The following ARHGAP31 variants were observed in gnomAD, a reference collection of about 807,000 sequenced individuals.
The protein encoded by ARHGAP31 is rho GTPase-activating protein 31.
ARHGAP31 carries 34 observed loss-of-function variants against 113.9 expected under a neutral mutation model. That is an observed-to-expected ratio of 0.30 (90% CI 0.23 to 0.40). The LOEUF is 0.40. Among genes scored for constraint, ARHGAP31 ranks in the 10% least tolerant of loss-of-function variants. The pLI is 1.00. For missense variants in ARHGAP31, 1,548 were observed against 1,767.1 expected (o/e 0.88, Z 2.22); for synonymous variants, 650 against 684.8 (o/e 0.95, Z 0.79).
At chr3:119,322,068 A>G (rs1208193017) in intron 1 of ARHGAP31, among the ~76,000 whole-genome samples, 1 of 152,182 alleles carries the variant, frequency 6.6e-6, no homozygotes, top group Non-Finnish European at 1.5e-5. Context: ...TGTGAGGCAT[A>G]TGGCTCTTTT....
chr3:119,397,128 A>T (rs77987217), intron 8 of ARHGAP31, among the ~76,000 whole-genome samples: 19,876 of 152,190 alleles, frequency 0.13, 1,378 homozygotes, highest in South Asian at 0.18. Flanking sequence ...AGACAGAAAC[A>T]TGTAATATAA....
At chr3:119,403,622 A>C (rs1366368618) in intron 10 of ARHGAP31, among the ~76,000 whole-genome samples, 1 of 152,172 alleles carries the variant, frequency 6.6e-6, no homozygotes, top group Non-Finnish European at 1.5e-5. Flanking sequence ...AGCATCATGA[A>C]AGAGGTGTTC....
At chr3:119,351,405 A>T (rs2080109551) in intron 1 of ARHGAP31, among the ~76,000 whole-genome samples, 1 of 152,144 alleles carries the variant, frequency 6.6e-6, no homozygotes, top group African/African-American at 2.4e-5. Flanking sequence ...ATGTACTGGA[A>T]AGTGCATGAA....
Position 119,414,128 on chromosome 3 carries a change from A to C in ARHGAP31, c.2199A>C (p.Ala733=), listed in dbSNP as rs575356014. 5 of 1,614,202 alleles carry C rather than the reference A, an allele frequency of 3.1e-6. No individual in the cohort carries two copies. The South Asian group carries it at 5.5e-5, about 18-fold the overall frequency. The change falls in exon 12 of 12, where the codon GCA becomes GCC. Residue 733 remains alanine, a synonymous_variant. Coordinates refer to ENST00000264245, the MANE Select transcript of ARHGAP31 (RefSeq NM_020754.4). ...AGAGCACACAGGGGGCTTCCACAGC[A>C]GCCAGCAGAGAGAAGCCGGAACCTG... The part of the protein sequence containing the change: ...ANQSTQGAST[A]ASREKPEPEQ...
chr3:119,295,590 C>G (rs928293263), intron 1 of ARHGAP31, among the ~76,000 whole-genome samples: 8 of 152,048 alleles, frequency 5.3e-5, no homozygotes, highest in African/African-American at 7.2e-5. Flanking sequence ...TTTCCACAAC[C>G]CCCTCCCCGC....
chr3:119,301,857 T>TG (rs2107593036), intron 1 of ARHGAP31, among the ~76,000 whole-genome samples: 1 of 152,264 alleles, frequency 6.6e-6, no homozygotes, highest in South Asian at 2.1e-4. Flanking sequence ...CTCTTCTAGT[T>TG]GGGGCTACCC....
At chr3:119,408,458 A>G (rs547181994) in intron 10 of ARHGAP31, among the ~76,000 whole-genome samples, 2 of 152,342 alleles carry the variant, frequency 1.3e-5, no homozygotes, top group African/African-American at 4.8e-5. Flanking sequence ...AACAATGGCA[A>G]TGAGTGGTTT....
At chr3:119,335,246 G>T (rs753961795) in intron 1 of ARHGAP31, among the ~76,000 whole-genome samples, 1 of 152,170 alleles carries the variant, frequency 6.6e-6, no homozygotes, top group Non-Finnish European at 1.5e-5. Context: ...CTGGCTATGT[G>T]ACTTGAGACA....
chr3:119,376,862 T>C (rs1404409807), intron 3 of ARHGAP31, among the ~76,000 whole-genome samples: 1 of 152,176 alleles, frequency 6.6e-6, no homozygotes, highest in African/African-American at 2.4e-5. Flanking sequence ...AGGGGTGCAG[T>C]AGCCAATTGT....
In ARHGAP31 at chr3:119,415,633, G is replaced by A. The variant is rs1199217774; in HGVS notation, c.3704G>A (p.Gly1235Glu). ...CAGCCTCTGGAGAGGAGCCAGGAGG[G>A]ACCCAGCTCAACCAGTGGGACCACT... ...GVQPLERSQE[G>E]PSSTSGTTQK... The change falls in exon 12 of 12, where the codon GGA becomes GAA. Residue 1235 changes from glycine to glutamate, a missense_variant. Physicochemically the swap from Gly to Glu is moderately conservative, Grantham distance 98 (BLOSUM62 -2). Coordinates refer to ENST00000264245, the MANE Select transcript of ARHGAP31 (RefSeq NM_020754.4). The A allele has an allele frequency of 6.2e-7, 1 of 1,614,128 alleles. No individual in the cohort carries two copies. The highest frequency in any genetic ancestry group is 8.5e-7 in the Non-Finnish European group (1 of 1,180,016).
At chr3:119,369,291 G>A (rs867602001) in intron 3 of ARHGAP31, among the ~76,000 whole-genome samples, 13 of 152,170 alleles carry the variant, frequency 8.5e-5, no homozygotes, top group South Asian at 4.1e-4. Context: ...AGAGGGATGA[G>A]GGAGATGAGA....
At chr3:119,301,443 G>A (rs7627485) in intron 1 of ARHGAP31, among the ~76,000 whole-genome samples, 7,060 of 152,262 alleles carry the variant, frequency 0.046, 164 homozygotes, top group African/African-American at 0.052. Context: ...TGCTGTAAGC[G>A]GTGGACACAC....
chr3:119,383,274 T>C, intron 6 of ARHGAP31, 48 bp downstream of exon 6: 1 of 1,610,350 alleles, frequency 6.2e-7, no homozygotes, highest in Non-Finnish European at 8.5e-7. Flanking sequence ...CCTTCTTTCT[T>C]GCAACTAGTG....
At position 119,379,642 on chromosome 3, in the gene ARHGAP31, G is replaced by A. The variant is rs139713429; in HGVS notation, c.349-1262G>A. ...ACCTTTCATTATGTATCAATCTAAAGCAAGTTTCCAGCACTGGTAGGAAAT... is the reference window on the plus strand; with the variant it reads ...ACCTTTCATTATGTATCAATCTAAAACAAGTTTCCAGCACTGGTAGGAAAT... On this transcript the variant is annotated intron_variant, in intron 3 of 11. Transcript: ENST00000264245. 3.6e-3 allele frequency among the ~76,000 whole-genome samples: 555 copies of A among 152,232 alleles called. 10 individuals are homozygous for A. The highest frequency in any genetic ancestry group is 0.013 in the African/African-American group (536 of 41,508).
intron 8 of ARHGAP31, among the ~76,000 whole-genome samples, chr3:119,395,682 A>T (rs963116533): frequency 2.0e-5 from 3 of 152,158 alleles, no homozygotes; most frequent in African/African-American, 7.2e-5. Flanking sequence ...CCTGTTGTCA[A>T]TGGTGTGCCT....
At chr3:119,411,261 C>A (rs1195532625) in intron 11 of ARHGAP31, among the ~76,000 whole-genome samples, 1 of 152,088 alleles carries the variant, frequency 6.6e-6, no homozygotes, top group African/African-American at 2.4e-5. Context: ...TCATTCTATT[C>A]TGTGTGGAGA....
At position 119,413,913 on chromosome 3, in the gene ARHGAP31, A is replaced by C. The variant is rs1430105104; in HGVS notation, c.1984A>C (p.Ile662Leu). 6.2e-7 allele frequency: 1 copy of C among 1,614,178 alleles called. No homozygotes were observed. The change falls in exon 12 of 12, where the codon ATC becomes CTC. Residue 662 changes from isoleucine (I) to leucine (L), a missense_variant. By Grantham distance (5) the Ile-to-Leu change is conservative. Transcript: ENST00000264245. ...GCCTGAGATTCAACAGGAGCTGAAA[A>C]TCATTGAATCTGAGGAGGAGCTCTC... is the stretch of plus-strand genomic sequence containing the variant. Reference protein sequence around the residue: ...IWPEIQQELKIIESEEELSSL... With the variant: ...IWPEIQQELKLIESEEELSSL...
intron 6 of ARHGAP31, among the ~76,000 whole-genome samples, chr3:119,384,684 A>G (rs2107632837): frequency 6.6e-6 from 1 of 152,342 alleles, no homozygotes; most frequent in East Asian, 1.9e-4. Flanking sequence ...CAGATCCCTC[A>G]TGACCTGATC....
chr3:119,348,186 G>T (rs2080077561), intron 1 of ARHGAP31, among the ~76,000 whole-genome samples: 1 of 152,190 alleles, frequency 6.6e-6, no homozygotes, highest in South Asian at 2.1e-4. Context: ...GGCTCCTTGT[G>T]AGAATCTAAT....
Sources: gnomAD v4.1 joint callset for allele counts (sites outside exome capture counted in the v4.1 genomes callset) on GRCh38, gnomAD v4.1.1 for gene constraint, MANE v1.5 for transcripts, NCBI Gene and HGNC (gene_info 2026-07-23, HGNC 2026-07-21) for gene names.